The following LRFN1 variants were observed in gnomAD, a reference collection of about 807,000 sequenced individuals.
The protein encoded by LRFN1 is leucine-rich repeat and fibronectin type III domain-containing protein 1.
A neutral mutation model predicts 31.8 loss-of-function variants in LRFN1; 20 were observed. The observed-to-expected ratio is 0.63, with a 90% CI of 0.44 to 0.91. The LOEUF (loss-of-function observed/expected upper bound fraction) is 0.91, where lower values mean the gene tolerates loss of function less well. Among genes scored for constraint, LRFN1 ranks in the 40% least tolerant of loss-of-function variants. The pLI is 0.00. For missense variants in LRFN1, 912 were observed against 1,129.8 expected (o/e 0.81, Z 2.76); for synonymous variants, 514 against 541.3 (o/e 0.95, Z 0.70).
Position 39,306,915 on chromosome 19 carries a change from T to G in LRFN1, c.*718A>C. On this transcript the variant is annotated 3_prime_UTR_variant, in exon 5 of 5. Transcript: ENST00000248668. ...TGGATTTTGTTCGTGTGGGGATTTATTTGGGAGAGTCTGGTCCTTCCAGTG... is the reference window on the plus strand; with the variant it reads ...TGGATTTTGTTCGTGTGGGGATTTAGTTGGGAGAGTCTGGTCCTTCCAGTG... 1.2e-5 allele frequency: 2 copies of G among 171,474 alleles called. No individual in the cohort carries two copies. Among genetic ancestry groups the G allele is most frequent in the Non-Finnish European group, 1.2e-5 (1 of 81,742 alleles). 10.6% of individuals were successfully genotyped at this position (171,474 alleles called of 1,614,324 possible). A position where few individuals can be genotyped will look rare whatever the true frequency, so the allele number is the denominator to read the frequency against.
intron 4 of LRFN1, among the ~76,000 whole-genome samples, chr19:39,312,576 G>C (rs965695105): frequency 3.9e-5 from 6 of 152,136 alleles, no homozygotes; most frequent in Admixed American, 1.3e-4. Flanking sequence ...GCCAAGGCAG[G>C]AGGATCACTT....
chr19:39,309,348 G>C (rs2075142291), intron 4 of LRFN1, among the ~76,000 whole-genome samples: 1 of 151,862 alleles, frequency 6.6e-6, no homozygotes, highest in African/African-American at 2.4e-5. Context: ...TAGCTACTCG[G>C]GAGGCTGAGG....
chr19:39,314,542 C>T lies in LRFN1; in HGVS notation c.795G>A (p.Arg265=). ...HCNCELLWLR[R]LTREDDLETC... ...TCTCTAAGTCGTCCTCGCGGGTCAG[C>T]CGCCGCAGCCAGAGCAGCTCGCAGT... The change falls in exon 4 of 5, where the codon CGG becomes CGA. Residue 265 remains arginine, a synonymous_variant. Coordinates refer to ENST00000248668, the MANE Select transcript of LRFN1 (RefSeq NM_020862.2). The T allele has an allele frequency of 1.2e-6, 2 of 1,609,252 alleles. No homozygotes were observed. Among genetic ancestry groups the T allele is most frequent in the Non-Finnish European group, 1.7e-6 (2 of 1,178,476 alleles).
intron 4 of LRFN1, among the ~76,000 whole-genome samples, chr19:39,312,807 A>G (rs77220702): frequency 2.0e-5 from 3 of 151,054 alleles, no homozygotes; most frequent in Non-Finnish European, 3.0e-5. Context: ...TGCCAAAAAA[A>G]AAAAAGAAAA....
In LRFN1 at chr19:39,314,822, T is replaced by C; in HGVS notation, c.515A>G (p.Asn172Ser). The part of the protein sequence containing the change: ...STVEDLDLSY[N>S]NLEALPWEAV... The stretch of plus-strand genomic sequence containing the variant: ...CTCCCACGGCAGGGCCTCCAGGTTG[T>C]TGTAGGACAGATCCAGGTCCTCCAC... Residue 172 changes from asparagine (N) to serine (S), a missense_variant, in exon 4 of 5, where the codon AAC (asparagine) becomes AGC (serine). Asn to Ser is a conservative substitution (Grantham distance 46). Around this residue, in one of 2 missense-constraint regions of LRFN1, gnomAD observed 401 missense variants for 572.7 expected, o/e 0.70. Coordinates refer to ENST00000248668, the MANE Select transcript of LRFN1 (RefSeq NM_020862.2). 6.2e-7 allele frequency: 1 copy of C among 1,612,990 alleles called. No individual in the cohort carries two copies. The highest frequency in any genetic ancestry group is 2.2e-5 in the East Asian group (1 of 44,816).
Position 39,307,507 on chromosome 19 carries a change from G to A in LRFN1, c.*126C>T. ...CGAGGCTGCCCCGCCCCCTCCCGGG[G>A]ACAAGGGCGCGTCTCCACTCTGGTC... On this transcript the variant is annotated 3_prime_UTR_variant, in exon 5 of 5. Transcript: ENST00000248668. This position sits in a 1 kb window ranked among gnomAD's most constrained non-coding sequence, Gnocchi z 6.7. 2.7e-6 allele frequency: 3 copies of A among 1,103,144 alleles called. No individual in the cohort carries two copies. Among genetic ancestry groups the A allele is most frequent in the Non-Finnish European group, 3.5e-6 (3 of 852,206 alleles). The allele number at this position is 1,103,144 out of a possible 1,614,324, so 68.3% of individuals were successfully genotyped here. A position where few individuals can be genotyped will look rare whatever the true frequency, so the allele number is the denominator to read the frequency against.
chr19:39,320,252 A>T (rs1169405337), intron 1 of LRFN1, among the ~76,000 whole-genome samples: 2 of 151,512 alleles, frequency 1.3e-5, no homozygotes, highest in African/African-American at 4.9e-5. Context: ...CCCCCAAGCC[A>T]GCAACCTGCC....
chr19:39,307,858 C>G lies in LRFN1; in HGVS notation c.2091G>C (p.Arg697=). 1 of 1,521,036 alleles carries G rather than the reference C, an allele frequency of 6.6e-7. No individual in the cohort carries two copies. Among genetic ancestry groups the G allele is most frequent in the Non-Finnish European group, 8.8e-7 (1 of 1,141,050 alleles). The allele number at this position is 1,521,036 out of a possible 1,614,324, so 94.2% of individuals were successfully genotyped here. The change falls in exon 5 of 5, where the codon CGG becomes CGC. Residue 697 remains arginine, a synonymous_variant. Coordinates refer to ENST00000248668, the MANE Select transcript of LRFN1 (RefSeq NM_020862.2). This position sits in a 1 kb window ranked among gnomAD's most constrained non-coding sequence, Gnocchi z 6.7. ...ACGAATAGCGCTGCTGCGGCCTCGG[C>G]CGGGCCGCGGCTCCCCCAGGAACTA... The part of the protein sequence containing the change: ...LALVPGGAAA[R]PRPQQRYSFD...
chr19:39,308,593 C>G lies in LRFN1; in HGVS notation c.1407-51G>C. ...GGGGTTAGTCCCCCCGAACCACGCC[C>G]CTTCGCTTTATGCCCCGCCCATGGT... On this transcript the variant is annotated intron_variant, in intron 4 of 4. Coordinates refer to ENST00000248668, the MANE Select transcript of LRFN1 (RefSeq NM_020862.2). This position sits in a 1 kb window ranked among gnomAD's most constrained non-coding sequence, Gnocchi z 6.2. 6.7e-7 allele frequency: 1 copy of G among 1,481,918 alleles called. No individual in the cohort carries two copies. The highest frequency in any genetic ancestry group is 9.0e-7 in the Non-Finnish European group (1 of 1,114,280). 91.8% of individuals were successfully genotyped at this position (1,481,918 alleles called of 1,614,324 possible).
At position 39,315,464 on chromosome 19, in the gene LRFN1, C is replaced by A; in HGVS notation, c.-37-91G>T. ...TCAGGCCTGGATCCCTCCCCTACCG[C>A]CTACAGCTGGGTTCCATAGGATGGT... On this transcript the variant is annotated intron_variant, in intron 3 of 4. Transcript: ENST00000248668. The surrounding 1 kb of genome is among the most constrained non-coding windows in gnomAD (Gnocchi z 4.7). 1.2e-6 allele frequency: 1 copy of A among 840,528 alleles called. No homozygotes were observed. The highest frequency in any genetic ancestry group is 1.8e-6 in the Non-Finnish European group (1 of 566,720). The allele number at this position is 840,528 out of a possible 1,614,324, so 52.1% of individuals were successfully genotyped here.
At chr19:39,310,661 C>T (rs1033749286) in intron 4 of LRFN1, among the ~76,000 whole-genome samples, 4 of 152,104 alleles carry the variant, frequency 2.6e-5, no homozygotes, top group Non-Finnish European at 5.9e-5. Flanking sequence ...TGGTGGGTCC[C>T]GGGAGACAAG....
chr19:39,315,138 C>G lies in LRFN1; in HGVS notation c.199G>C (p.Val67Leu). The change falls in exon 4 of 5, where the codon GTG becomes CTG. Residue 67 changes from valine to leucine, a missense_variant. Transcript: ENST00000248668. The surrounding 1 kb of genome is among the most constrained non-coding windows in gnomAD (Gnocchi z 4.7). ...LFVPPAIDRR[V>L]VELRLTDNFI... ...TTGTCGGTGAGCCGCAGCTCCACCACGCGCCGGTCGATGGCGGGCGGCACA... is the reference window on the plus strand; with the variant it reads ...TTGTCGGTGAGCCGCAGCTCCACCAGGCGCCGGTCGATGGCGGGCGGCACA... 1 of 1,591,570 alleles carries G rather than the reference C, an allele frequency of 6.3e-7. No individual in the cohort carries two copies. Among genetic ancestry groups the G allele is most frequent in the Non-Finnish European group, 8.5e-7 (1 of 1,176,088 alleles).
In LRFN1 at chr19:39,306,850, G is replaced by A. The variant is rs2145025420; in HGVS notation, c.*783C>T. ...CAGAAAAAAGTTTAATTCTGCTGCG[G>A]CGGAGGGTCCCGGCTCCGGTAGGGA... On this transcript the variant is annotated 3_prime_UTR_variant, in exon 5 of 5. Transcript: ENST00000248668. The A allele has an allele frequency of 6.4e-6, 1 of 155,934 alleles. No homozygotes were observed. Among genetic ancestry groups the A allele is most frequent in the South Asian group, 2.1e-4 (1 of 4,864 alleles). The allele number at this position is 155,934 out of a possible 1,614,324, so 9.7% of individuals were successfully genotyped here. A position where few individuals can be genotyped will look rare whatever the true frequency, so the allele number is the denominator to read the frequency against.
rs756329908 is a variant in LRFN1 at position 39,313,946 on chromosome 19, T to C, written c.1391A>G (p.Asp464Gly). Residue 464 changes from aspartate (D) to glycine (G), a missense_variant, in exon 4 of 5, where the codon GAC (aspartate) becomes GGC (glycine). Physicochemically the swap from Asp to Gly is moderately conservative, Grantham distance 94. This residue lies in a region of LRFN1 where 511 missense variants were observed against 557.0 expected (regional missense o/e 0.92). Transcript: ENST00000248668. ...CCGCACCCACCTGTAGACGAGGGAG[T>C]CATCAACGGAACTGTTGTACTGAAC... is the stretch of plus-strand genomic sequence containing the variant. ...YQVQYNSSVD[D>G]SLVYRMIPST... is the part of the protein sequence containing the mutation. 5 of 1,589,776 alleles carry C rather than the reference T, an allele frequency of 3.1e-6. No homozygotes were observed. In the East Asian group the frequency reaches 1.1e-4, roughly 36 times the overall value.
chr19:39,320,680 C>A (rs1461832087), intron 1 of LRFN1, 113 bp downstream of exon 1: 1 of 150,676 alleles, frequency 6.6e-6, no homozygotes, highest in East Asian at 1.9e-4. Flanking sequence ...CGCGGGCGCA[C>A]GCCGGGCCCG....
At chr19:39,317,463 G>A (rs912342741) in intron 2 of LRFN1, among the ~76,000 whole-genome samples, 3 of 152,136 alleles carry the variant, frequency 2.0e-5, no homozygotes, top group African/African-American at 7.2e-5. Flanking sequence ...GGTCTTCAGG[G>A]CTCAGAATCC....
rs1023240655 is a variant in LRFN1 at position 39,320,863 on chromosome 19, C to G, written c.-196G>C. 1 of 145,424 alleles carries G rather than the reference C, an allele frequency of 6.9e-6. No individual in the cohort carries two copies. Among genetic ancestry groups the G allele is most frequent in the Non-Finnish European group, 1.5e-5 (1 of 65,178 alleles). The allele number at this position is 145,424 out of a possible 1,614,324, so 9.0% of individuals were successfully genotyped here. A position where few individuals can be genotyped will look rare whatever the true frequency, so the allele number is the denominator to read the frequency against. On this transcript the variant is annotated 5_prime_UTR_variant, in exon 1 of 5. Transcript: ENST00000248668. ...CTCCGCGCCATGGTGGGGGGAGGGC[C>G]GGGGGAGGGGGCGCGGTGCCGCGGG...
chr19:39,317,830 T>C (rs191277073), intron 2 of LRFN1, among the ~76,000 whole-genome samples: 1 of 152,260 alleles, frequency 6.6e-6, no homozygotes, highest in African/African-American at 2.4e-5. Context: ...TTATCATTAT[T>C]ATTATTACTA....
At position 39,308,588 on chromosome 19, in the gene LRFN1, A is replaced by G; in HGVS notation, c.1407-46T>C. On this transcript the variant is annotated intron_variant, in intron 4 of 4. Coordinates refer to ENST00000248668, the MANE Select transcript of LRFN1 (RefSeq NM_020862.2). This position sits in a 1 kb window ranked among gnomAD's most constrained non-coding sequence, Gnocchi z 6.2. ...AGGGCGGGGTTAGTCCCCCCGAACC[A>G]CGCCCCTTCGCTTTATGCCCCGCCC... 1 of 1,500,748 alleles carries G rather than the reference A, an allele frequency of 6.7e-7. No homozygotes were observed. The highest frequency in any genetic ancestry group is 1.4e-5 in the African/African-American group (1 of 72,342). The allele number at this position is 1,500,748 out of a possible 1,614,324, so 93.0% of individuals were successfully genotyped here.
Sources: gnomAD v4.1 joint callset for allele counts (sites outside exome capture counted in the v4.1 genomes callset) on GRCh38, gnomAD v4.1.1 for gene constraint, gnomAD v4.1.1 regional missense constraint, Gnocchi (gnomAD v3.1) non-coding constraint, MANE v1.5 for transcripts, NCBI Gene and HGNC (gene_info 2026-07-23, HGNC 2026-07-21) for gene names.